Variants in NHSL1 observed in about 807,000 individuals in gnomAD.
NHSL1 encodes the protein NHS-like protein 1.
Under a neutral mutation model 95.0 loss-of-function variants are expected in NHSL1, and 48 were observed. The observed-to-expected ratio is 0.51, with a 90% CI of 0.40 to 0.64. The LOEUF (loss-of-function observed/expected upper bound fraction) is 0.64, where lower values mean the gene tolerates loss of function less well. Ranked by LOEUF, NHSL1 falls within the 30% of genes least tolerant of loss-of-function variation. NHSL1 has a pLI of 0.00. For missense variants in NHSL1, 1,971 were observed against 2,077.7 expected (o/e 0.95, Z 1.00); for synonymous variants, 783 against 833.9 (o/e 0.94, Z 1.05).
chr6:138,479,725 C>G (rs1396159938), intron 2 of NHSL1, among the ~76,000 whole-genome samples: 2 of 152,182 alleles, frequency 1.3e-5, no homozygotes, highest in Non-Finnish European at 2.9e-5. Flanking sequence ...ATGCTATTAT[C>G]TACATGAGGA....
chr6:138,519,139 A>G (rs1212212599), intron 1 of NHSL1, among the ~76,000 whole-genome samples: 1 of 152,178 alleles, frequency 6.6e-6, no homozygotes, highest in African/African-American at 2.4e-5. Flanking sequence ...TTTTCTGAGC[A>G]CCACTGCGTA....
At chr6:138,567,215 C>T (rs1783653984) in intron 1 of NHSL1, among the ~76,000 whole-genome samples, 1 of 150,736 alleles carries the variant, frequency 6.6e-6, no homozygotes, top group Non-Finnish European at 1.5e-5. Context: ...GCAGACTCGA[C>T]CTCCCAGGCT....
chr6:138,547,126 GCC>G (rs1246465051), upstream of NHSL1, among the ~76,000 whole-genome samples: 1 of 152,146 alleles, frequency 6.6e-6, no homozygotes, highest in Non-Finnish European at 1.5e-5. Flanking sequence ...GGTGCTCACT[GCC>G]ACACAGTAAG....
At chr6:138,425,437 A>C (rs532084368) in intron 7 of NHSL1, among the ~76,000 whole-genome samples, 22 of 152,300 alleles carry the variant, frequency 1.4e-4, no homozygotes, top group African/African-American at 5.3e-4. Context: ...AAACACCCAC[A>C]CAAAAGAGAA....
Position 138,460,503 on chromosome 6 carries a change from T to G in NHSL1, c.339+12803A>C, listed in dbSNP as rs984299157. On this transcript the variant is annotated intron_variant, in intron 3 of 7. Transcript: ENST00000343505. The stretch of plus-strand genomic sequence containing the variant: ...TTTTGTGTCATTATTCCCTAAACAA[T>G]ACAGTATAACAACTCTTTACATAGC... Among the ~76,000 whole-genome samples, 5 of 152,004 alleles carry G rather than the reference T, an allele frequency of 3.3e-5. No homozygotes were observed. The South Asian group carries it at 6.2e-4, about 19-fold the overall frequency.
upstream of NHSL1, among the ~76,000 whole-genome samples, chr6:138,501,814 T>C (rs571094740): frequency 6.6e-6 from 1 of 152,334 alleles, no homozygotes; most frequent in African/African-American, 2.4e-5. Flanking sequence ...ACTGTAGTAT[T>C]TGCATGCAAC....
intron 1 of NHSL1, among the ~76,000 whole-genome samples, chr6:138,681,415 G>A (rs544858104): frequency 1.3e-5 from 2 of 152,164 alleles, no homozygotes; most frequent in Non-Finnish European, 2.9e-5. Context: ...GAAAATTTAT[G>A]CTGAGGTTAC....
At position 138,499,403 on chromosome 6, in the gene NHSL1, G is replaced by A. The variant is rs540350452; in HGVS notation, c.-113C>T. On this transcript the variant is annotated 5_prime_UTR_variant, in exon 1 of 8. Transcript: ENST00000343505. ...ACAGATTCTAACTTTTTCTTCCCCC[G>A]GTCTCATATCCTTAGACATCTGCCC... The A allele has an allele frequency of 4.0e-5, 59 of 1,486,358 alleles. No individual in the cohort carries two copies. In the African/African-American group the frequency reaches 5.5e-4, roughly 14 times the overall value. The allele number at this position is 1,486,358 out of a possible 1,614,324, so 92.1% of individuals were successfully genotyped here. A position where few individuals can be genotyped will look rare whatever the true frequency, so the allele number is the denominator to read the frequency against.
upstream of NHSL1, chr6:138,499,543 A>T: frequency 1.6e-6 from 1 of 642,202 alleles, no homozygotes; most frequent in South Asian, 3.8e-5. Context: ...GCAGCCAGTG[A>T]CATCGTGCGC....
rs536069793 is a variant in NHSL1, at chr6:138,515,703, T to G, written c.17-19332A>C. Among the ~76,000 whole-genome samples, 265 of 152,294 alleles carry G rather than the reference T, an allele frequency of 1.7e-3. 1 individual carries two copies. Among genetic ancestry groups the G allele is most frequent in the Middle Eastern group, 3.4e-3 (1 of 294 alleles). On this transcript the variant is annotated intron_variant, in intron 1 of 4. Transcript: ENST00000342260. The stretch of plus-strand genomic sequence containing the variant: ...AAGACAGAATTCAATAAAATGGGAA[T>G]AAGGTACATTTTAAATTAGGAAGTG...
intron 1 of NHSL1, among the ~76,000 whole-genome samples, chr6:138,613,481 A>G (rs992546988): frequency 6.6e-6 from 1 of 152,182 alleles, no homozygotes; most frequent in Non-Finnish European, 1.5e-5. Context: ...AACATGCAGC[A>G]TGGGAATGGA....
intron 1 of NHSL1, among the ~76,000 whole-genome samples, chr6:138,638,413 T>C (rs145607207): frequency 4.2e-3 from 645 of 152,282 alleles, no homozygotes; most frequent in African/African-American, 0.015. Flanking sequence ...ATGTGATTAT[T>C]ATGCATAGCA....
chr6:138,661,072 T>G (rs1785221197), intron 1 of NHSL1, among the ~76,000 whole-genome samples: 1 of 152,198 alleles, frequency 6.6e-6, no homozygotes. Context: ...CTGAGAAGAT[T>G]ATCACAATCA....
At chr6:138,624,991 T>A (rs561927690) in intron 1 of NHSL1, among the ~76,000 whole-genome samples, 1 of 152,188 alleles carries the variant, frequency 6.6e-6, no homozygotes, top group Non-Finnish European at 1.5e-5. Context: ...ATATAGTGTG[T>A]GTGTGTGAGA....
In NHSL1 at chr6:138,431,870, G is replaced by A. The variant is rs1469468702; in HGVS notation, c.2475C>T (p.Pro825=). The stretch of plus-strand genomic sequence containing the variant: ...GTTTGACTGAACCACCGGGCACTTG[G>A]GGCATTGTGGCTCTGGACCCTTCTT... ...HVQEGSRATM[P]QVPGGSVKPK... The change falls in exon 6 of 8, where the codon CCC becomes CCT. Residue 825 remains proline, a synonymous_variant. Coordinates refer to ENST00000343505, the MANE Select transcript of NHSL1 (RefSeq NM_001144060.2). The surrounding 1 kb of genome is among the most constrained non-coding windows in gnomAD (Gnocchi z 4.0). 1 of 1,551,610 alleles carries A rather than the reference G, an allele frequency of 6.4e-7. No individual in the cohort carries two copies. Among genetic ancestry groups the A allele is most frequent in the Admixed American group, 2.0e-5 (1 of 50,988 alleles).
intron 1 of NHSL1, among the ~76,000 whole-genome samples, chr6:138,538,019 A>G (rs1182854804): frequency 1.3e-5 from 2 of 152,200 alleles, no homozygotes; most frequent in Non-Finnish European, 2.9e-5. Context: ...CTATCAAAAT[A>G]TTTTGGTCAG....
chr6:138,640,060 T>C (rs73774873), intron 1 of NHSL1, among the ~76,000 whole-genome samples: 2,114 of 152,152 alleles, frequency 0.014, 63 homozygotes, highest in African/African-American at 0.048. Context: ...TACATGCGAA[T>C]TGGTAAAGCG....
At chr6:138,503,120 A>G (rs1263959558), upstream of NHSL1, among the ~76,000 whole-genome samples, 1 of 152,208 alleles carries the variant, frequency 6.6e-6, no homozygotes, top group Non-Finnish European at 1.5e-5. Flanking sequence ...CTCAGTGGTC[A>G]TCGGTGAATT....
At position 138,424,041 on chromosome 6, in the gene NHSL1, G is replaced by C. The variant is rs41289795; in HGVS notation, c.*40C>G. The stretch of plus-strand genomic sequence containing the variant: ...GGCTTCCTAGAGTGCTGCATTGCTC[G>C]TCTCCCCCCGTGTCACCTGGGAGAG... On this transcript the variant is annotated 3_prime_UTR_variant, in exon 8 of 8. Coordinates refer to ENST00000343505, the MANE Select transcript of NHSL1 (RefSeq NM_001144060.2). This position sits in a 1 kb window ranked among gnomAD's most constrained non-coding sequence, Gnocchi z 5.9. The C allele has an allele frequency of 7.4e-7, 1 of 1,342,754 alleles. No individual in the cohort carries two copies. The highest frequency in any genetic ancestry group is 2.7e-5 in the East Asian group (1 of 37,472). 83.2% of individuals were successfully genotyped at this position (1,342,754 alleles called of 1,614,324 possible).
Sources: allele counts gnomAD v4.1 joint callset (sites outside exome capture counted in the v4.1 genomes callset), GRCh38; gene constraint gnomAD v4.1.1; non-coding constraint Gnocchi (gnomAD v3.1); transcripts MANE v1.5; gene names NCBI Gene and HGNC (gene_info 2026-07-23, HGNC 2026-07-21).